Variants in ZIM2 observed in about 807,000 individuals in gnomAD.
ZIM2 encodes zinc finger imprinted 2.
In ZIM2, 14 loss-of-function variants were observed where a neutral mutation model predicts 38.6. The observed-to-expected ratio is 0.36, with a 90% CI of 0.24 to 0.57. ZIM2 has a LOEUF of 0.57. Ranked by LOEUF, ZIM2 falls within the 20% of genes least tolerant of loss-of-function variation. The pLI, the probability that ZIM2 is intolerant of heterozygous loss-of-function variation, is 0.81. For synonymous variants in ZIM2, 247 were observed against 245.8 expected, an observed-to-expected ratio of 1.00 and a Z score of -0.04; for missense variants, 680 against 695.1, an observed-to-expected ratio of 0.98 and a Z score of 0.24.
At position 56,840,663 on chromosome 19, in the gene ZIM2, A is replaced by C. The variant is rs1685209674; in HGVS notation, c.-395T>G. On this transcript the variant is annotated 5_prime_UTR_variant, in exon 1 of 13. Coordinates refer to ENST00000629319, the MANE Select transcript of ZIM2 (RefSeq NM_001387356.1). The stretch of plus-strand genomic sequence containing the variant: ...GCGCCCGGCGCCCGGCGGCGCCACC[A>C]GCCCAGGGTGGACATCTCCCGCGCC... 1 of 152,942 alleles carries C rather than the reference A, an allele frequency of 6.5e-6. No homozygotes were observed. The allele number at this position is 152,942 out of a possible 1,614,324, so 9.5% of individuals were successfully genotyped here.
Position 56,827,370 on chromosome 19 carries a change from T to C in ZIM2, c.-226-907A>G, listed in dbSNP as rs111356417. On this transcript the variant is annotated intron_variant, in intron 2 of 12. Transcript: ENST00000629319. Reference sequence around the variant, plus strand: ...CCAATAGAACTTGGCCCTTGGTCAATAGAAGCCATTGAAAAATGGAAGTTA... The same window carrying C: ...CCAATAGAACTTGGCCCTTGGTCAACAGAAGCCATTGAAAAATGGAAGTTA... Among the ~76,000 whole-genome samples, 617 of 151,960 alleles carry C rather than the reference T, an allele frequency of 4.1e-3. 3 individuals carry two copies. Among genetic ancestry groups the C allele is most frequent in the African/African-American group, 9.9e-3 (410 of 41,438 alleles).
At chr19:56,800,582 G>C (rs953406226) in intron 9 of ZIM2, among the ~76,000 whole-genome samples, 19 of 151,880 alleles carry the variant, frequency 1.3e-4, no homozygotes, top group Non-Finnish European at 2.5e-4. Context: ...TATTTAAAAA[G>C]GTAGAAAGGA....
rs752442028 is a variant in ZIM2 at position 56,817,861 on chromosome 19, G to A, written c.398-23C>T. 2.3e-5 allele frequency: 36 copies of A among 1,592,414 alleles called. No homozygotes were observed. In the Middle Eastern group the frequency reaches 1.2e-3, roughly 52 times the overall value. ...CTCCTGGTCACAAGGACAATATGAT[G>A]CCTCAAATTCAAGTTGAGGACCAAG... On this transcript the variant is annotated intron_variant, in intron 8 of 12. Coordinates refer to ENST00000629319, the MANE Select transcript of ZIM2 (RefSeq NM_001387356.1).
chr19:56,817,396 C>T (rs1476912465), intron 9 of ZIM2: 1 of 1,614,080 alleles, frequency 6.2e-7, no homozygotes. Flanking sequence ...AATGTCCTTC[C>T]AGTTATCATC....
chr19:56,813,102 C>T, intron 9 of ZIM2: 1 of 983,998 alleles, frequency 1.0e-6, no homozygotes, highest in Non-Finnish European at 1.2e-6. Context: ...AACAATTACT[C>T]AAAAAGATAT....
At chr19:56,795,056 C>CA (rs1555789404) in intron 9 of ZIM2, among the ~76,000 whole-genome samples, 1 of 149,834 alleles carries the variant, frequency 6.7e-6, no homozygotes, top group Non-Finnish European at 1.5e-5. Context: ...TTTTTCTTTT[C>CA]TTTTTTTTCT....
intron 9 of ZIM2, chr19:56,817,267 CTCTT>C (rs746943582): frequency 1.2e-6 from 2 of 1,614,036 alleles, no homozygotes; most frequent in African/African-American, 1.3e-5. Flanking sequence ...ATGATAGCGC[CTCTT>C]TCTTTCAAGA....
chr19:56,823,621 G>A lies in ZIM2; in HGVS notation c.75C>T (p.Ser25=), dbSNP rs368216571. The A allele has an allele frequency of 3.7e-6, 6 of 1,614,026 alleles. No homozygotes were observed. In the African/African-American group the frequency reaches 6.7e-5, roughly 18 times the overall value. ...AAGAATGGACTGAGTGAGGTGGTGA[G>A]GACTCTCTTCTGTTCCGGGTCATGT... ...DDDMTRNRRE[S]SPPHSVHSFS... The change falls in exon 5 of 13, where the codon TCC becomes TCT. Residue 25 remains serine, a synonymous_variant. Coordinates refer to ENST00000629319, the MANE Select transcript of ZIM2 (RefSeq NM_001387356.1).
chr19:56,837,670 G>C (rs1461774771), intron 1 of ZIM2, among the ~76,000 whole-genome samples: 1 of 152,220 alleles, frequency 6.6e-6, no homozygotes, highest in Non-Finnish European at 1.5e-5. Context: ...CGGTCACTCA[G>C]GAAGGCTCCA....
intron 9 of ZIM2, among the ~76,000 whole-genome samples, chr19:56,808,057 T>C (rs1464766030): frequency 6.6e-6 from 1 of 152,156 alleles, no homozygotes; most frequent in African/African-American, 2.4e-5. Context: ...ACACCTTCAA[T>C]CCATGTATTG....
At chr19:56,823,416 A>G (rs75227280) in intron 5 of ZIM2, among the ~76,000 whole-genome samples, 174 bp downstream of exon 5, 3,470 of 152,296 alleles carry the variant, frequency 0.023, 131 homozygotes, top group African/African-American at 0.08. Context: ...CTGTTTAGAT[A>G]TAAAAATGTC....
Position 56,817,846 on chromosome 19 carries a change from C to T in ZIM2, c.398-8G>A, listed in dbSNP as rs1420760015. The T allele has an allele frequency of 1.9e-6, 3 of 1,611,550 alleles. No homozygotes were observed. In the South Asian group the frequency reaches 3.3e-5, roughly 18 times the overall value. On this transcript the variant is annotated splice_region_variant and splice_polypyrimidine_tract_variant and intron_variant, in intron 8 of 12. Transcript: ENST00000629319. ...CTTCAGCAAGCTGCACTCCTGGTCA[C>T]AAGGACAATATGATGCCTCAAATTC... is the stretch of plus-strand genomic sequence containing the variant.
intron 10 of ZIM2, among the ~76,000 whole-genome samples, chr19:56,783,605 T>C (rs1207109270): frequency 3.3e-5 from 5 of 152,184 alleles, no homozygotes; most frequent in East Asian, 1.9e-4. Flanking sequence ...TTCTCACTTA[T>C]TAGTGGGAGC....
At chr19:56,787,635 T>C (rs997870653) in intron 10 of ZIM2, among the ~76,000 whole-genome samples, 28 of 152,032 alleles carry the variant, frequency 1.8e-4, no homozygotes, top group African/African-American at 6.8e-4. Context: ...TTGTTTGGAA[T>C]AGTTTCAGAA....
chr19:56,829,343 C>CAAAAA (rs35948458), intron 2 of ZIM2, among the ~76,000 whole-genome samples: 4 of 86,636 alleles, frequency 4.6e-5, no homozygotes, highest in Non-Finnish European at 6.9e-5. Flanking sequence ...GACTCCATCT[C>CAAAAA]AAAAAAAAAA....
chr19:56,790,077 T>A (rs1443965192), intron 9 of ZIM2, 126 bp from the exon 10 acceptor site: 1 of 633,780 alleles, frequency 1.6e-6, no homozygotes, highest in African/African-American at 1.9e-5. Flanking sequence ...AGAGTTCCTA[T>A]GGTGAGAAAG....
Position 56,817,456 on chromosome 19 carries a change from C to T in ZIM2, c.490+290G>A. 5.6e-6 allele frequency: 9 copies of T among 1,613,968 alleles called. No individual in the cohort carries two copies. Among genetic ancestry groups the T allele is most frequent in the Non-Finnish European group, 7.6e-6 (9 of 1,179,902 alleles). On this transcript the variant is annotated intron_variant, in intron 9 of 12. Transcript: ENST00000629319. The stretch of plus-strand genomic sequence containing the variant: ...CCGGTCGCTTGACTCCCTTGCTCTT[C>T]CCGATTTGGAACTGCGTGACACATC...
chr19:56,837,501 A>C (rs1362500576), intron 1 of ZIM2, among the ~76,000 whole-genome samples: 1 of 152,094 alleles, frequency 6.6e-6, no homozygotes, highest in Non-Finnish European at 1.5e-5. Flanking sequence ...CTTGGATTCC[A>C]CTTTTCTGCT....
In ZIM2 at chr19:56,813,803, C is replaced by T. The variant is rs199961932; in HGVS notation, c.490+3943G>A. 74 of 1,614,030 alleles carry T rather than the reference C, an allele frequency of 4.6e-5. No individual in the cohort carries two copies. Among genetic ancestry groups the T allele is most frequent in the Admixed American group, 4.0e-4 (24 of 60,002 alleles). On this transcript the variant is annotated intron_variant, in intron 9 of 12. Coordinates refer to ENST00000629319, the MANE Select transcript of ZIM2 (RefSeq NM_001387356.1). ...CCACCTGTGCTGGTGCTGGCACGTT[C>T]GATGTAGCCTGAGCACTCCCCAAAG...
Sources: gnomAD v4.1 joint callset for allele counts (sites outside exome capture counted in the v4.1 genomes callset) on GRCh38, gnomAD v4.1.1 for gene constraint, MANE v1.5 for transcripts, NCBI Gene and HGNC (gene_info 2026-07-23, HGNC 2026-07-21) for gene names.